CMSS1: variants seen among roughly 807,000 people sequenced by gnomAD.
CMSS1 encodes the protein protein CMSS1.
In CMSS1, 33 loss-of-function variants were observed where a neutral mutation model predicts 43.5. The ratio of observed to expected loss-of-function variants is 0.76; its 90% CI spans 0.57 to 1.01. The LOEUF is 1.01. Among genes scored for constraint, CMSS1 ranks in the 50% least tolerant of loss-of-function variants. CMSS1 has a pLI of 0.00. For synonymous variants in CMSS1, 115 were observed against 117.2 expected (o/e 0.98, Z 0.12); for missense variants, 313 against 326.4 (o/e 0.96, Z 0.32).
intron 1 of CMSS1, among the ~76,000 whole-genome samples, chr3:99,887,786 G>A (rs1705956188): frequency 6.6e-6 from 1 of 152,180 alleles, no homozygotes; most frequent in Admixed American, 6.5e-5. Context: ...CCAGGCTGGA[G>A]TGCAGTGGCA....
intron 1 of CMSS1, among the ~76,000 whole-genome samples, chr3:100,104,070 G>A (rs921689811): frequency 7.2e-5 from 11 of 152,148 alleles, no homozygotes; most frequent in African/African-American, 2.7e-4. Context: ...ACTGAGGAGA[G>A]GTGACTTTTC....
chr3:99,967,771 G>A (rs1708696713), intron 1 of CMSS1, among the ~76,000 whole-genome samples: 1 of 152,128 alleles, frequency 6.6e-6, no homozygotes, highest in Non-Finnish European at 1.5e-5. Context: ...TGTTTTATCT[G>A]TTTATTTCAC....
Position 100,162,408 on chromosome 3 carries a change from G to C in CMSS1, c.331G>C (p.Glu111Gln). 1 of 1,612,894 alleles carries C rather than the reference G, an allele frequency of 6.2e-7. No individual in the cohort carries two copies. Among genetic ancestry groups the C allele is most frequent in the East Asian group, 2.2e-5 (1 of 44,824 alleles). ...TTATAGCAGCAGACGCTTGGTGATTGAATTAGAAGAACTGAACCTGCCAGG... is the reference window on the plus strand; with the variant it reads ...TTATAGCAGCAGACGCTTGGTGATTCAATTAGAAGAACTGAACCTGCCAGG... ...DYYSSRRLVI[E>Q]LEELNLPDSC... The change falls in exon 4 of 10, where the codon GAA becomes CAA. Residue 111 changes from glutamate (E) to glutamine (Q), a missense_variant. Coordinates refer to ENST00000421999, the MANE Select transcript of CMSS1 (RefSeq NM_032359.4).
chr3:99,929,825 C>G (rs1407643940), intron 1 of CMSS1: 1 of 1,547,674 alleles, frequency 6.5e-7, no homozygotes, highest in Admixed American at 1.9e-5. Context: ...TTGGCTGCCT[C>G]CCAGGTACAC....
chr3:100,156,488 T>C (rs1357090393), intron 2 of CMSS1, among the ~76,000 whole-genome samples: 2 of 151,788 alleles, frequency 1.3e-5, no homozygotes, highest in East Asian at 3.9e-4. Context: ...TTTGTATTTT[T>C]AGTACAGACG....
In CMSS1 at chr3:99,917,167, C is replaced by T. The variant is rs7612083; in HGVS notation, c.64+99124C>T. ...GTATTATAGAGTATTTACTGTATGT[C>T]CTGCATTCTCCTAGGGCTGTGCTGG... On this transcript the variant is annotated intron_variant, in intron 1 of 9. Coordinates refer to ENST00000421999, the MANE Select transcript of CMSS1 (RefSeq NM_032359.4). 4.5e-3 allele frequency among the ~76,000 whole-genome samples: 688 copies of T among 152,218 alleles called. 7 individuals carry two copies. Among genetic ancestry groups the T allele is most frequent in the African/African-American group, 0.016 (675 of 41,510 alleles).
intron 1 of CMSS1, among the ~76,000 whole-genome samples, chr3:100,027,047 C>T (rs958054136): frequency 4.6e-5 from 7 of 152,102 alleles, no homozygotes; most frequent in African/African-American, 1.2e-4. Context: ...GGTATCTCTA[C>T]GGCCCATTCA....
intron 1 of CMSS1, among the ~76,000 whole-genome samples, chr3:99,936,462 A>G (rs113581466): frequency 8.6e-6 from 1 of 116,000 alleles, no homozygotes; most frequent in African/African-American, 3.5e-5. Context: ...TGCAACCTCC[A>G]CCTCCTGGGT....
chr3:100,005,209 T>C (rs917145503), intron 1 of CMSS1, among the ~76,000 whole-genome samples: 1 of 152,246 alleles, frequency 6.6e-6, no homozygotes, highest in South Asian at 2.1e-4. Context: ...CCTTGTATTG[T>C]TAAAAATGAA....
chr3:100,139,005 C>T (rs1297377482), intron 1 of CMSS1, among the ~76,000 whole-genome samples: 1 of 152,096 alleles, frequency 6.6e-6, no homozygotes, highest in Non-Finnish European at 1.5e-5. Flanking sequence ...TGGAATACTA[C>T]GCAACCACAA....
chr3:99,909,862 A>G (rs1054376602), intron 1 of CMSS1, among the ~76,000 whole-genome samples: 25 of 152,148 alleles, frequency 1.6e-4, no homozygotes, highest in African/African-American at 5.3e-4. Context: ...ACAGTCTGCA[A>G]CCCCTTTCCT....
chr3:100,114,403 G>A, intron 1 of CMSS1: 1 of 152,544 alleles, frequency 6.6e-6, no homozygotes, highest in Non-Finnish European at 1.5e-5. Flanking sequence ...GGTTCTAACT[G>A]GACTGGGCTG....
chr3:99,836,985 T>C (rs748110149), intron 1 of CMSS1, among the ~76,000 whole-genome samples: 1 of 152,260 alleles, frequency 6.6e-6, no homozygotes, highest in Non-Finnish European at 1.5e-5. Flanking sequence ...AAACCTGGAA[T>C]AGGACCATAT....
chr3:99,898,449 A>T (rs553730507), intron 1 of CMSS1: 1 of 152,366 alleles, frequency 6.6e-6, no homozygotes, highest in African/African-American at 2.4e-5. Flanking sequence ...TGGAATTATG[A>T]CATGCACCCA....
intron 1 of CMSS1, among the ~76,000 whole-genome samples, chr3:99,863,433 A>G (rs1944359524): frequency 1.3e-5 from 2 of 152,196 alleles, no homozygotes; most frequent in Non-Finnish European, 2.9e-5. Flanking sequence ...TGACTGGGTT[A>G]GTACACTGTA....
chr3:99,822,901 A>G (rs1942466336), intron 1 of CMSS1, among the ~76,000 whole-genome samples: 1 of 152,178 alleles, frequency 6.6e-6, no homozygotes, highest in African/African-American at 2.4e-5. Context: ...ACTGATGAGG[A>G]AGTTGAGACA....
At chr3:99,860,098 T>G (rs764579035) in intron 1 of CMSS1, among the ~76,000 whole-genome samples, 1 of 152,206 alleles carries the variant, frequency 6.6e-6, no homozygotes, top group Non-Finnish European at 1.5e-5. Context: ...TTACTGAAGA[T>G]CCTGTCATCA....
intron 1 of CMSS1, among the ~76,000 whole-genome samples, chr3:100,035,505 C>T (rs2065093044): frequency 6.6e-6 from 1 of 152,068 alleles, no homozygotes; most frequent in African/African-American, 2.4e-5. Flanking sequence ...ACTCCTGATC[C>T]ACCCGCCTCA....
intron 1 of CMSS1, among the ~76,000 whole-genome samples, chr3:99,889,278 T>G (rs1249263975): frequency 6.6e-6 from 1 of 152,160 alleles, no homozygotes; most frequent in East Asian, 1.9e-4. Context: ...TATTTTTAGA[T>G]GCACACAAAT....
Sources: gnomAD v4.1 joint callset for allele counts (sites outside exome capture counted in the v4.1 genomes callset) on GRCh38, gnomAD v4.1.1 for gene constraint, MANE v1.5 for transcripts, NCBI Gene and HGNC (gene_info 2026-07-23, HGNC 2026-07-21) for gene names.